FAM135B: variants seen among roughly 807,000 people sequenced by gnomAD.
The protein encoded by FAM135B is family with sequence similarity 135 member B, also known as protein FAM135B.
A neutral mutation model predicts 127.7 loss-of-function variants in FAM135B; 43 were observed. The observed-to-expected ratio is 0.34, with a 90% CI of 0.26 to 0.43. FAM135B has a LOEUF of 0.43. Ranked by LOEUF, FAM135B falls within the 20% of genes least tolerant of loss-of-function variation. The pLI is 1.00. For missense variants in FAM135B, 1,558 were observed against 1,725.6 expected (o/e 0.90, Z 1.72); for synonymous variants, 670 against 665.1 (o/e 1.01, Z -0.11).
At chr8:138,217,700 G>A (rs1818678977) in intron 7 of FAM135B, among the ~76,000 whole-genome samples, 1 of 152,068 alleles carries the variant, frequency 6.6e-6, no homozygotes, top group South Asian at 2.1e-4. Flanking sequence ...CAAAGTGCTG[G>A]GATTACAGGC....
intron 7 of FAM135B, among the ~76,000 whole-genome samples, chr8:138,226,036 T>G (rs1435003922): frequency 3.9e-5 from 6 of 152,156 alleles, no homozygotes; most frequent in African/African-American, 1.2e-4. Context: ...TAGAGCCCAG[T>G]TTTAGAGGTG....
At chr8:138,407,967 C>A (rs1347131287) in intron 1 of FAM135B, among the ~76,000 whole-genome samples, 2 of 152,316 alleles carry the variant, frequency 1.3e-5, no homozygotes, top group East Asian at 1.9e-4. Context: ...GGTTTCAACA[C>A]TGGCCTTAAA....
intron 9 of FAM135B, among the ~76,000 whole-genome samples, chr8:138,190,161 T>A (rs1815978326): frequency 6.6e-6 from 1 of 152,172 alleles, no homozygotes; most frequent in Non-Finnish European, 1.5e-5. Flanking sequence ...TAAATTCTCT[T>A]AGCACCTGCA....
In FAM135B at chr8:138,204,254, C is replaced by A. The variant is rs548198117; in HGVS notation, c.670-6585G>T. 3.3e-5 allele frequency among the ~76,000 whole-genome samples: 5 copies of A among 152,254 alleles called. No homozygotes were observed. In the South Asian group the frequency reaches 1.0e-3, roughly 32 times the overall value. On this transcript the variant is annotated intron_variant, in intron 7 of 19. Coordinates refer to ENST00000395297, the MANE Select transcript of FAM135B (RefSeq NM_015912.4). Reference sequence around the variant, plus strand: ...CCTATGCTCTTGCCGTTGGAAATGTCTTTCTGAATTAACCCTACACATCAC... The same window carrying A: ...CCTATGCTCTTGCCGTTGGAAATGTATTTCTGAATTAACCCTACACATCAC...
At chr8:138,218,756 C>CAA (rs1178158733) in intron 7 of FAM135B, among the ~76,000 whole-genome samples, 8 of 52,500 alleles carry the variant, frequency 1.5e-4, no homozygotes. Flanking sequence ...CTTACACGCA[C>CAA]ACACACACAC....
chr8:138,358,746 C>T (rs1457954680), intron 2 of FAM135B, among the ~76,000 whole-genome samples: 4 of 152,184 alleles, frequency 2.6e-5, no homozygotes, highest in East Asian at 3.9e-4. Flanking sequence ...CAGTGAGAAC[C>T]GTCAAGTACC....
intron 9 of FAM135B, among the ~76,000 whole-genome samples, chr8:138,188,851 C>T (rs763212934): frequency 6.6e-6 from 1 of 152,154 alleles, no homozygotes; most frequent in East Asian, 1.9e-4. Flanking sequence ...CTGGAGTCAG[C>T]CTTTTCCTGG....
At chr8:138,255,624 G>A (rs1372220495) in intron 5 of FAM135B, among the ~76,000 whole-genome samples, 2 of 152,194 alleles carry the variant, frequency 1.3e-5, no homozygotes, top group African/African-American at 2.4e-5. Context: ...TGGGCCAGAT[G>A]TGTGTGCTTT....
chr8:138,253,638 G>A (rs541728347), intron 5 of FAM135B, among the ~76,000 whole-genome samples: 241 of 152,156 alleles, frequency 1.6e-3, no homozygotes, highest in African/African-American at 5.3e-3. Context: ...GCATCCTCCC[G>A]AGCTGTGACA....
intron 6 of FAM135B, 22 bp downstream of exon 6, chr8:138,250,819 G>A (rs1310041939): frequency 1.1e-5 from 18 of 1,611,488 alleles, no homozygotes; most frequent in African/African-American, 4.0e-5. Flanking sequence ...CCACATATCA[G>A]GGCTGCCTCT....
At chr8:138,443,903 ACC>A (rs1224208961) in intron 1 of FAM135B, among the ~76,000 whole-genome samples, 4 of 152,196 alleles carry the variant, frequency 2.6e-5, no homozygotes, top group African/African-American at 7.2e-5. Flanking sequence ...TATTCAGGAA[ACC>A]TACCTCATGT....
intron 7 of FAM135B, among the ~76,000 whole-genome samples, chr8:138,230,829 G>C (rs995253446): frequency 2.6e-5 from 4 of 152,028 alleles, no homozygotes; most frequent in Non-Finnish European, 2.9e-5. Flanking sequence ...GTCCAAGTTG[G>C]TAGTTTCCTT....
intron 1 of FAM135B, among the ~76,000 whole-genome samples, chr8:138,416,941 A>T (rs1247844537): frequency 2.6e-5 from 4 of 152,162 alleles, no homozygotes. Context: ...GGAGTGGCCC[A>T]GTCTCATCAT....
chr8:138,326,097 TGAAAAG>T (rs1827782858), intron 2 of FAM135B, among the ~76,000 whole-genome samples: 2 of 152,158 alleles, frequency 1.3e-5, no homozygotes, highest in Admixed American at 1.3e-4. Flanking sequence ...GCTGGGAAAC[TGAAAAG>T]TGCTTCCCCA....
intron 5 of FAM135B, among the ~76,000 whole-genome samples, chr8:138,255,101 C>T (rs559621726): frequency 1.0e-4 from 15 of 146,766 alleles, no homozygotes; most frequent in South Asian, 6.5e-4. Flanking sequence ...ACAATCAGGA[C>T]GCACTGTAAC....
chr8:138,325,251 G>A (rs979809929), intron 2 of FAM135B, among the ~76,000 whole-genome samples: 1 of 152,156 alleles, frequency 6.6e-6, no homozygotes, highest in African/African-American at 2.4e-5. Context: ...CTCCGCAGAA[G>A]CCCAAAAATA....
intron 1 of FAM135B, among the ~76,000 whole-genome samples, chr8:138,384,912 G>A (rs1344621229): frequency 6.6e-6 from 1 of 151,984 alleles, no homozygotes; most frequent in Non-Finnish European, 1.5e-5. Flanking sequence ...ACCTTTCTTA[G>A]AAGTACCTCC....
chr8:138,326,124 T>G (rs1016514317), intron 2 of FAM135B, among the ~76,000 whole-genome samples: 3 of 152,156 alleles, frequency 2.0e-5, no homozygotes, highest in Non-Finnish European at 4.4e-5. Flanking sequence ...TCCCTGCATC[T>G]CCCTTTGCTG....
chr8:138,348,711 G>A (rs1209909353), intron 2 of FAM135B, among the ~76,000 whole-genome samples: 1 of 152,092 alleles, frequency 6.6e-6, no homozygotes, highest in Non-Finnish European at 1.5e-5. Flanking sequence ...TTCACTTTCA[G>A]TCTTAGTTCT....
Sources: gnomAD v4.1 joint callset for allele counts (sites outside exome capture counted in the v4.1 genomes callset) on GRCh38, gnomAD v4.1.1 for gene constraint, MANE v1.5 for transcripts, NCBI Gene and HGNC (gene_info 2026-07-23, HGNC 2026-07-21) for gene names.